Variants in OIT3 observed in about 807,000 individuals in gnomAD.
The protein encoded by OIT3 is oncoprotein-induced transcript 3 protein.
In OIT3, 41 loss-of-function variants were observed where a neutral mutation model predicts 52.2. The ratio of observed to expected loss-of-function variants is 0.79; its 90% confidence interval spans 0.61 to 1.02. The LOEUF (loss-of-function observed/expected upper bound fraction) is 1.02. Among genes scored for constraint, OIT3 ranks in the 50% least tolerant of loss-of-function variants. The pLI is 0.00. For missense variants in OIT3, 634 were observed against 715.5 expected (o/e 0.89, Z 1.30); for synonymous variants, 244 against 276.9 (o/e 0.88, Z 1.18).
intron 4 of OIT3, among the ~76,000 whole-genome samples, chr10:72,908,121 T>C (rs1845996571): frequency 6.6e-6 from 1 of 152,082 alleles, no homozygotes; most frequent in Non-Finnish European, 1.5e-5. Flanking sequence ...CGGGCGCCTG[T>C]AATCCCAACT....
intron 6 of OIT3, among the ~76,000 whole-genome samples, chr10:72,923,442 A>G (rs1846138936): frequency 6.6e-6 from 1 of 151,958 alleles, no homozygotes; most frequent in East Asian, 1.9e-4. Context: ...GAAGAAAAGG[A>G]TCAGGGAACT....
At chr10:72,919,263 G>C (rs2132943165) in intron 6 of OIT3, among the ~76,000 whole-genome samples, 1 of 152,216 alleles carries the variant, frequency 6.6e-6, no homozygotes, top group Middle Eastern at 3.4e-3. Flanking sequence ...ACTGTTGTTT[G>C]TATATAAGAA....
intron 5 of OIT3, among the ~76,000 whole-genome samples, chr10:72,912,319 A>G (rs1589525120): frequency 7.8e-6 from 1 of 128,480 alleles, no homozygotes. Flanking sequence ...GCTCAGGTGG[A>G]GTGTGAAGTG....
chr10:72,913,789 A>T (rs1172214995), intron 6 of OIT3: 1 of 426,566 alleles, frequency 2.3e-6, no homozygotes, highest in African/African-American at 2.0e-5. Flanking sequence ...TTTTATTTGA[A>T]GAAAGCAACT....
intron 2 of OIT3, among the ~76,000 whole-genome samples, chr10:72,899,812 AT>A (rs1332415522): frequency 6.6e-6 from 1 of 152,196 alleles, no homozygotes; most frequent in East Asian, 1.9e-4. Flanking sequence ...GTGTCCACTG[AT>A]TTTTTTAAGT....
At chr10:72,902,277 A>G (rs1845941177) in intron 3 of OIT3, among the ~76,000 whole-genome samples, 1 of 152,102 alleles carries the variant, frequency 6.6e-6, no homozygotes, top group South Asian at 2.1e-4. Context: ...ATTTGGCTTT[A>G]TTTTAAGCCA....
chr10:72,913,246 C>T (rs762704444), intron 5 of OIT3, 62 bp from the exon 6 acceptor site: 45 of 1,378,210 alleles, frequency 3.3e-5, no homozygotes, highest in Admixed American at 6.3e-5. Context: ...AATTATTTCT[C>T]CTAAAAGCCT....
chr10:72,929,574 C>CTT (rs77531395), intron 7 of OIT3, among the ~76,000 whole-genome samples: 3 of 139,814 alleles, frequency 2.1e-5, no homozygotes, highest in Non-Finnish European at 3.1e-5. Flanking sequence ...CCACACTTGA[C>CTT]TTTTTTTTTT....
At chr10:72,904,149 A>G (rs559181734) in intron 3 of OIT3, among the ~76,000 whole-genome samples, 2 of 152,258 alleles carry the variant, frequency 1.3e-5, no homozygotes, top group South Asian at 4.2e-4. Context: ...CGGTGCCTGC[A>G]GCCCCCAGTC....
At chr10:72,903,295 G>A (rs1300290632) in intron 3 of OIT3, among the ~76,000 whole-genome samples, 1 of 151,706 alleles carries the variant, frequency 6.6e-6, no homozygotes, top group Non-Finnish European at 1.5e-5. Flanking sequence ...GCACAATCTC[G>A]ACTCACTGCA....
Position 72,932,382 on chromosome 10 carries a change from T to C in OIT3, c.1496T>C (p.Val499Ala), listed in dbSNP as rs1016972333. The change falls in exon 9 of 9, where the codon GTC becomes GCC. Residue 499 changes from valine to alanine, a missense_variant. Transcript: ENST00000334011. Reference protein sequence around the residue: ...KEVFLHCRVLVCGVLDERSRC... With the variant: ...KEVFLHCRVLACGVLDERSRC... ...GTGTTTCTGCACTGCCGGGTTCTTGTCTGTGGAGTGTTGGACGAGCGTTCC... is the reference window on the plus strand; with the variant it reads ...GTGTTTCTGCACTGCCGGGTTCTTGCCTGTGGAGTGTTGGACGAGCGTTCC... 3.7e-6 allele frequency: 6 copies of C among 1,614,102 alleles called. No homozygotes were observed. The African/African-American group carries it at 6.7e-5, about 18-fold the overall frequency.
chr10:72,928,241 G>A lies in OIT3; in HGVS notation c.1368-2297G>A, dbSNP rs116703143. ...AGCCTAAGCAAAATATAGCTAGAAA[G>A]TTAATCACTGGAAAAAGAAACATAC... On this transcript the variant is annotated intron_variant, in intron 7 of 8. Transcript: ENST00000334011. Among the ~76,000 whole-genome samples, 176 of 152,260 alleles carry A rather than the reference G, an allele frequency of 1.2e-3. 1 individual carries two copies. The highest frequency in any genetic ancestry group is 4.0e-3 in the African/African-American group (168 of 41,564).
chr10:72,924,161 GA>G, intron 6 of OIT3, 67 bp from the exon 7 acceptor site: 2 of 1,329,812 alleles, frequency 1.5e-6, no homozygotes, highest in Admixed American at 2.2e-5. Flanking sequence ...AAGGTGAGAG[GA>G]GGGGGAAAAA....
intron 6 of OIT3, among the ~76,000 whole-genome samples, chr10:72,920,619 G>A (rs921739895): frequency 6.6e-6 from 1 of 151,992 alleles, no homozygotes; most frequent in Admixed American, 6.6e-5. Flanking sequence ...CTGAGATTCT[G>A]GTATGTTGTA....
chr10:72,912,748 G>A (rs1164301647), intron 5 of OIT3, among the ~76,000 whole-genome samples: 1 of 152,052 alleles, frequency 6.6e-6, no homozygotes, highest in African/African-American at 2.4e-5. Flanking sequence ...AGAAGAACCT[G>A]GGAATGCTAA....
intron 6 of OIT3, among the ~76,000 whole-genome samples, chr10:72,921,299 G>A (rs184656710): frequency 3.3e-5 from 5 of 152,250 alleles, no homozygotes; most frequent in Admixed American, 2.6e-4. Context: ...CCTTTACTTT[G>A]AGCCTATGTG....
chr10:72,911,922 T>C, intron 5 of OIT3, 83 bp downstream of exon 5: 1 of 1,286,132 alleles, frequency 7.8e-7, no homozygotes, highest in Non-Finnish European at 1.1e-6. Context: ...CTCCCCCAAG[T>C]GTGTCAGGGT....
At chr10:72,915,573 G>A (rs1293443365) in intron 6 of OIT3, among the ~76,000 whole-genome samples, 1 of 152,058 alleles carries the variant, frequency 6.6e-6, no homozygotes, top group East Asian at 1.9e-4. Context: ...TGCACTCATG[G>A]CCAGCAGCAC....
intron 7 of OIT3, among the ~76,000 whole-genome samples, chr10:72,926,535 C>T (rs1846171081): frequency 6.6e-6 from 1 of 152,204 alleles, no homozygotes; most frequent in African/African-American, 2.4e-5. Context: ...TGTCACATCC[C>T]TGCTGAAAAC....
Sources: gnomAD v4.1 joint callset for allele counts (sites outside exome capture counted in the v4.1 genomes callset) on GRCh38, gnomAD v4.1.1 for gene constraint, MANE v1.5 for transcripts, NCBI Gene and HGNC (gene_info 2026-07-23, HGNC 2026-07-21) for gene names.